Variants in ATXN2 observed in about 807,000 individuals in gnomAD.
ATXN2 encodes the protein ataxin 2, also known as ataxin-2.
Under a neutral mutation model 138.6 loss-of-function variants are expected in ATXN2, and 37 were observed. The ratio of observed to expected loss-of-function variants is 0.27; its 90% CI spans 0.21 to 0.35. ATXN2 has a LOEUF of 0.35. ATXN2 is among the 10% of genes least tolerant of loss of function. The pLI is 1.00. For synonymous variants in ATXN2, 549 were observed against 543.7 expected, an observed-to-expected ratio of 1.01 and a Z score of -0.13; for missense variants, 1,216 against 1,480.3, an observed-to-expected ratio of 0.82 and a Z score of 2.93.
At chr12:111,461,669 CAAA>C (rs1021389432) in intron 21 of ATXN2, among the ~76,000 whole-genome samples, 7 of 151,410 alleles carry the variant, frequency 4.6e-5, no homozygotes, top group Admixed American at 6.6e-5. Context: ...ACAAGAGAGA[CAAA>C]AAAGGAACCA....
chr12:111,533,512 A>AT (rs559080592), intron 5 of ATXN2, among the ~76,000 whole-genome samples: 12,117 of 148,164 alleles, frequency 0.082, 1,609 homozygotes, highest in African/African-American at 0.28. Context: ...TTCCCATATA[A>AT]TTTTTTTTTT....
chr12:111,456,719 T>C (rs139291456), intron 22 of ATXN2, among the ~76,000 whole-genome samples: 1 of 152,324 alleles, frequency 6.6e-6, no homozygotes, highest in East Asian at 1.9e-4. Context: ...AATCACCTTA[T>C]TATCAACATG....
intron 18 of ATXN2, among the ~76,000 whole-genome samples, chr12:111,475,206 T>C (rs767114204): frequency 1.1e-4 from 16 of 150,930 alleles, no homozygotes; most frequent in Non-Finnish European, 1.6e-4. Flanking sequence ...AGAGCGAGAC[T>C]CTGTCTCAAA....
At chr12:111,463,959 G>T (rs1026059373) in intron 21 of ATXN2, among the ~76,000 whole-genome samples, 2 of 151,990 alleles carry the variant, frequency 1.3e-5, no homozygotes, top group African/African-American at 4.8e-5. Context: ...GCTGATTTTT[G>T]TATTTTTTAG....
chr12:111,461,133 A>C (rs1375861285), intron 21 of ATXN2: 1 of 152,222 alleles, frequency 6.6e-6, no homozygotes, highest in African/African-American at 2.4e-5. Flanking sequence ...GATCTGAAAG[A>C]AGTACCTTAA....
At chr12:111,579,557 C>A (rs1258736175) in intron 1 of ATXN2, among the ~76,000 whole-genome samples, 1 of 151,902 alleles carries the variant, frequency 6.6e-6, no homozygotes, top group East Asian at 1.9e-4. Flanking sequence ...ACATCGCACC[C>A]GGCCTCCAGC....
chr12:111,460,317 A>G (rs1404151928), intron 21 of ATXN2, among the ~76,000 whole-genome samples: 2 of 152,000 alleles, frequency 1.3e-5, no homozygotes, highest in Non-Finnish European at 1.5e-5. Context: ...CAGGTGATCC[A>G]CTTGTCTTGG....
chr12:111,536,782 T>G (rs975317135), intron 5 of ATXN2, among the ~76,000 whole-genome samples: 2 of 145,050 alleles, frequency 1.4e-5, no homozygotes, highest in African/African-American at 2.6e-5. Context: ...ACGCAGTTTT[T>G]TTTTTTTTTT....
intron 1 of ATXN2, among the ~76,000 whole-genome samples, chr12:111,595,628 G>A (rs1313844602): frequency 1.2e-4 from 17 of 145,186 alleles, no homozygotes; most frequent in Admixed American, 2.8e-4. Flanking sequence ...GGCAAACACC[G>A]AGACTCTGTC....
chr12:111,584,821 T>A (rs1884236279), intron 1 of ATXN2, among the ~76,000 whole-genome samples: 1 of 151,470 alleles, frequency 6.6e-6, no homozygotes, highest in East Asian at 2.0e-4. Context: ...AATACAAAAT[T>A]AGCCAGGCAT....
At chr12:111,529,526 T>A (rs1485666770) in intron 5 of ATXN2, among the ~76,000 whole-genome samples, 1 of 152,308 alleles carries the variant, frequency 6.6e-6, no homozygotes, top group Non-Finnish European at 1.5e-5. Context: ...AGCCCCTGTA[T>A]CCCACCTCCA....
chr12:111,567,382 C>A (rs1490643416), intron 1 of ATXN2, among the ~76,000 whole-genome samples: 3 of 151,896 alleles, frequency 2.0e-5, no homozygotes, highest in African/African-American at 7.3e-5. Context: ...CACCTGTAGT[C>A]CCAGATACTC....
chr12:111,570,637 A>G (rs541409178), intron 1 of ATXN2, among the ~76,000 whole-genome samples: 2 of 152,222 alleles, frequency 1.3e-5, no homozygotes, highest in African/African-American at 4.8e-5. Flanking sequence ...TCATGGCCTT[A>G]CTGAAAACTG....
intron 1 of ATXN2, among the ~76,000 whole-genome samples, chr12:111,594,208 A>G (rs1348225306): frequency 3.3e-5 from 5 of 152,230 alleles, no homozygotes; most frequent in African/African-American, 1.2e-4. Flanking sequence ...CCCCATGTAC[A>G]TAGATGCTTC....
chr12:111,586,366 C>T (rs919858673), intron 1 of ATXN2, among the ~76,000 whole-genome samples: 10 of 149,888 alleles, frequency 6.7e-5, no homozygotes, highest in Non-Finnish European at 1.2e-4. Flanking sequence ...GGATTACAGG[C>T]GCCCGCCCAG....
chr12:111,470,783 C>G (rs1181628366), intron 18 of ATXN2, 41 bp from the exon 19 acceptor site: 1 of 1,598,832 alleles, frequency 6.3e-7, no homozygotes, highest in Non-Finnish European at 8.6e-7. Context: ...ACAGTATCTC[C>G]ACAGCATAAT....
At position 111,529,198 on chromosome 12, in the gene ATXN2, A is replaced by G. The variant is rs3858705; in HGVS notation, c.572-3882T>C. Among the ~76,000 whole-genome samples, 5,544 of 152,222 alleles carry G rather than the reference A, an allele frequency of 0.036. 984 individuals carry two copies. In the East Asian group the frequency reaches 0.57, roughly 16 times the overall value. On this transcript the variant is annotated intron_variant, in intron 5 of 24. Coordinates refer to ENST00000673436, the MANE Select transcript of ATXN2 (RefSeq NM_001372574.1). ...TAACCAGGATTCCTGCAAAGTTGAG[A>G]AAAAAACAACTGGCTCTAATCTACA...
intron 1 of ATXN2, among the ~76,000 whole-genome samples, chr12:111,582,441 CA>C (rs375687566): frequency 0.14 from 18,363 of 132,098 alleles, 3,656 homozygotes; most frequent in African/African-American, 0.45. Flanking sequence ...GACGGTGTCT[CA>C]AAAAAAAAAA....
chr12:111,484,595 T>G (rs1877508732), intron 18 of ATXN2, among the ~76,000 whole-genome samples: 1 of 152,036 alleles, frequency 6.6e-6, no homozygotes. Context: ...TGCCACCATG[T>G]CCGGCTAATT....
Sources: gnomAD v4.1 joint callset for allele counts (sites outside exome capture counted in the v4.1 genomes callset) on GRCh38, gnomAD v4.1.1 for gene constraint, MANE v1.5 for transcripts, NCBI Gene and HGNC (gene_info 2026-07-23, HGNC 2026-07-21) for gene names.